ACCSL: variants seen among roughly 807,000 people sequenced by gnomAD.
ACCSL encodes the protein 1-aminocyclopropane-1-carboxylate synthase homolog (inactive) like.
A neutral mutation model predicts 61.7 loss-of-function variants in ACCSL; 55 were observed. The observed-to-expected ratio is 0.89, with a 90% CI of 0.72 to 1.12. ACCSL has a LOEUF of 1.12. ACCSL is among the 50% of genes most tolerant of loss of function. ACCSL has a pLI of 0.00. For missense variants in ACCSL, 632 were observed against 698.0 expected (o/e 0.91, Z 1.07); for synonymous variants, 258 against 264.3 (o/e 0.98, Z 0.23).
chr11:44,001,729 G>C, the ACCSL span, among the ~76,000 whole-genome samples: 12 of 151,550 alleles, frequency 7.9e-5, no homozygotes, highest in African/African-American at 2.9e-4. Flanking sequence ...CTTTGCCTGG[G>C]GTTCATGGAT....
At chr11:43,940,344 G>A in the ACCSL span, among the ~76,000 whole-genome samples, 1 of 151,310 alleles carries the variant, frequency 6.6e-6, no homozygotes, top group African/African-American at 2.4e-5. Context: ...GTTGCCCTTA[G>A]AATGAAATTA....
chr11:44,015,275 G>A, the ACCSL span, among the ~76,000 whole-genome samples: 6 of 152,280 alleles, frequency 3.9e-5, no homozygotes, highest in South Asian at 1.2e-3. Flanking sequence ...CTACTAATAA[G>A]ATTAGCCCCA....
At chr11:43,979,754 G>A in the ACCSL span, among the ~76,000 whole-genome samples, 2 of 151,570 alleles carry the variant, frequency 1.3e-5, no homozygotes, top group Non-Finnish European at 1.5e-5. Context: ...GGCTGAGGCA[G>A]GAGAATCGCT....
the ACCSL span, among the ~76,000 whole-genome samples, chr11:44,005,231 T>C: frequency 1.3e-5 from 2 of 152,000 alleles, no homozygotes; most frequent in African/African-American, 4.8e-5. Context: ...CCCTGCCTGG[T>C]GAGGCTGATT....
At chr11:44,009,066 G>A in the ACCSL span, among the ~76,000 whole-genome samples, 33 of 152,142 alleles carry the variant, frequency 2.2e-4, no homozygotes, top group Non-Finnish European at 3.5e-4. Context: ...TACCCGGGAC[G>A]CTGAGGTGGG....
the ACCSL span, among the ~76,000 whole-genome samples, chr11:44,040,619 G>A: frequency 3.3e-5 from 5 of 152,184 alleles, no homozygotes; most frequent in Non-Finnish European, 4.4e-5. Flanking sequence ...AGTGCTGACA[G>A]TCAATGATGG....
chr11:44,048,062 C>CT lies in ACCSL; in HGVS notation c.27dup (p.Val10CysfsTer53). 1 of 1,613,232 alleles carries CT rather than the reference C, an allele frequency of 6.2e-7. No individual in the cohort carries two copies. The highest frequency in any genetic ancestry group is 1.3e-5 in the African/African-American group (1 of 75,026). ...ATGAGTCATCGGTCAGACACCCTTC[C>CT]TGTGCCCTCTGGTCAGAGGAGAGGC... On this transcript the variant is annotated frameshift_variant, in exon 1 of 14. Transcript: ENST00000378832. LOFTEE classifies it high-confidence loss of function.
At chr11:44,059,269 G>A (rs1283749740) in intron 13 of ACCSL, among the ~76,000 whole-genome samples, 2 of 152,002 alleles carry the variant, frequency 1.3e-5, no homozygotes, top group African/African-American at 2.4e-5. Context: ...AACAAAACCC[G>A]AAAAAAGTAG....
In ACCSL at chr11:44,051,391, T is replaced by C; in HGVS notation, c.692T>C (p.Leu231Pro). 6.2e-7 allele frequency: 1 copy of C among 1,614,186 alleles called. No individual in the cohort carries two copies. Among genetic ancestry groups the C allele is most frequent in the Non-Finnish European group, 8.5e-7 (1 of 1,180,036 alleles). ...TACTACTGCAGGGCACCTACCCGAC[T>C]TGACCCAGAAAATGTGAGTCAGTTT... ...LTYYCRAPTR[L>P]DPENVVVLNG... is the part of the protein sequence containing the mutation. Residue 231 changes from leucine (L) to proline (P), a missense_variant, in exon 4 of 14, where the codon CTT becomes CCT. By Grantham distance (98) the Leu-to-Pro change is moderately conservative. Coordinates refer to ENST00000378832, the MANE Select transcript of ACCSL (RefSeq NM_001031854.2).
At chr11:43,930,938 G>T in the ACCSL span, among the ~76,000 whole-genome samples, 1 of 152,106 alleles carries the variant, frequency 6.6e-6, no homozygotes, top group East Asian at 1.9e-4. Flanking sequence ...TAAAAATGCT[G>T]ACCATGGCCC....
chr11:43,971,578 T>A, the ACCSL span: 2 of 152,204 alleles, frequency 1.3e-5, no homozygotes, highest in African/African-American at 4.8e-5. Context: ...TATTGCTTCC[T>A]ACTATGTCAT....
chr11:44,048,418 G>A lies in ACCSL; in HGVS notation c.382G>A (p.Ala128Thr), dbSNP rs780102897. The A allele has an allele frequency of 1.9e-6, 3 of 1,614,136 alleles. No individual in the cohort carries two copies. The South Asian group carries it at 3.3e-5, about 18-fold the overall frequency. Residue 128 changes from alanine to threonine, a missense_variant, in exon 1 of 14, where the codon GCT becomes ACT. By Grantham distance (58) the Ala-to-Thr change is moderately conservative (BLOSUM62 0). Coordinates refer to ENST00000378832, the MANE Select transcript of ACCSL (RefSeq NM_001031854.2). ...AGTTCCCCAACTGAGTGATTGTGAA[G>A]CTGCCTTTGTCAACCGCGACCTATC... ...DPVPQLSDCE[A>T]AFVNRDLSIR...
the ACCSL span, among the ~76,000 whole-genome samples, chr11:43,965,401 T>C: frequency 1.3e-5 from 2 of 152,182 alleles, no homozygotes; most frequent in African/African-American, 2.4e-5. Context: ...CCAAGGTGGT[T>C]GTAAGACTTG....
chr11:44,039,029 A>C, the ACCSL span, among the ~76,000 whole-genome samples: 2 of 152,024 alleles, frequency 1.3e-5, no homozygotes, highest in African/African-American at 2.4e-5. Flanking sequence ...TTATTTCTTC[A>C]TTTTGATGCT....
chr11:43,970,559 AC>A, the ACCSL span, among the ~76,000 whole-genome samples: 1 of 152,194 alleles, frequency 6.6e-6, no homozygotes, highest in South Asian at 2.1e-4. Flanking sequence ...TCTACCTTTT[AC>A]TTTTAGCAAC....
At chr11:44,053,299 C>T in intron 7 of ACCSL, 107 bp from the exon 8 acceptor site, 1 of 1,119,656 alleles carries the variant, frequency 8.9e-7, no homozygotes, top group Admixed American at 2.0e-5. Context: ...TGCTTCAAGA[C>T]CCTACCTAGG....
the ACCSL span, among the ~76,000 whole-genome samples, chr11:43,969,595 C>G: frequency 6.6e-6 from 1 of 152,032 alleles, no homozygotes; most frequent in East Asian, 1.9e-4. Flanking sequence ...TCCTTTTTCC[C>G]TGTGGTGGGA....
rs1208275233 is a variant in ACCSL, at chr11:44,051,693, T to A, written c.746T>A (p.Leu249Gln). The stretch of plus-strand genomic sequence containing the variant: ...GGCTGCTGCTCTGTCTTCTGTGCCC[T>A]GGCCATGGTTCTGTGTGATCCAGGC... Reference protein sequence around the residue: ...LNGCCSVFCALAMVLCDPGEA... With the variant: ...LNGCCSVFCAQAMVLCDPGEA... Residue 249 changes from leucine to glutamine, a missense_variant, in exon 5 of 14, where the codon CTG (leucine) becomes CAG (glutamine). Leu to Gln is a moderately radical substitution (Grantham distance 113, BLOSUM62 -2). Coordinates refer to ENST00000378832, the MANE Select transcript of ACCSL (RefSeq NM_001031854.2). The A allele has an allele frequency of 2.5e-5, 41 of 1,614,086 alleles. No homozygotes were observed. Among genetic ancestry groups the A allele is most frequent in the Non-Finnish European group, 3.4e-5 (40 of 1,180,052 alleles).
chr11:44,045,459 C>T (rs567033103), upstream of ACCSL, among the ~76,000 whole-genome samples: 3 of 152,082 alleles, frequency 2.0e-5, no homozygotes, highest in South Asian at 2.1e-4. Flanking sequence ...CAACCCCCCC[C>T]ACAAAAAAAC....
Sources: allele counts gnomAD v4.1 joint callset (sites outside exome capture counted in the v4.1 genomes callset), GRCh38; gene constraint gnomAD v4.1.1; transcripts MANE v1.5; gene names NCBI Gene and HGNC (gene_info 2026-07-23, HGNC 2026-07-21).